The following POLN variants were observed in gnomAD, a reference collection of about 807,000 sequenced individuals.
The protein encoded by POLN is DNA polymerase N.
POLN carries 108 observed loss-of-function variants against 113.5 expected under a neutral mutation model. The ratio of observed to expected loss-of-function variants is 0.95; its 90% CI spans 0.81 to 1.12. POLN has a LOEUF of 1.12. Ranked by LOEUF, POLN falls within the 50% of genes most tolerant of loss-of-function variation. POLN has a pLI of 0.00. For missense variants in POLN, 1,097 were observed against 1,077.1 expected, an observed-to-expected ratio of 1.02 and a Z score of -0.26; for synonymous variants, 386 against 391.5, an observed-to-expected ratio of 0.99 and a Z score of 0.17.
chr4:2,177,176 C>G (rs574536285), intron 8 of POLN: 64 of 334,960 alleles, frequency 1.9e-4, no homozygotes, highest in African/African-American at 1.3e-3. Flanking sequence ...CTTCCACACC[C>G]CAAAACTGAC....
At chr4:2,083,724 C>G (rs1167729789) in intron 21 of POLN, among the ~76,000 whole-genome samples, 1 of 152,262 alleles carries the variant, frequency 6.6e-6, no homozygotes, top group Non-Finnish European at 1.5e-5. Flanking sequence ...ACAGAGAAAG[C>G]AGGGGACCAC....
In POLN at chr4:2,204,722, C is replaced by T. The variant is rs1733802770; in HGVS notation, c.714+3265G>A. Among the ~76,000 whole-genome samples the T allele has an allele frequency of 3.3e-5, 5 of 152,286 alleles. No individual in the cohort carries two copies. The South Asian group carries it at 1.0e-3, about 32-fold the overall frequency. On this transcript the variant is annotated intron_variant, in intron 5 of 25. Coordinates refer to ENST00000511885, the MANE Select transcript of POLN (RefSeq NM_181808.4). ...TACTAGCTAACCAAATCCAACAACA[C>T]ATCAAAAAGATAATCCACCATGATC...
At chr4:2,173,913 G>T in intron 11 of POLN, 42 bp downstream of exon 11, 1 of 1,566,346 alleles carries the variant, frequency 6.4e-7, no homozygotes, top group African/African-American at 1.4e-5. Context: ...TCTCATGCAG[G>T]AAAGAGATGG....
At chr4:2,187,802 AT>A (rs1210643749) in intron 7 of POLN, among the ~76,000 whole-genome samples, 4 of 152,130 alleles carry the variant, frequency 2.6e-5, no homozygotes, top group African/African-American at 9.7e-5. Context: ...GGGATAACCT[AT>A]TCAAAGTGCT....
At chr4:2,224,675 G>T (rs1734340658) in intron 3 of POLN, among the ~76,000 whole-genome samples, 2 of 152,168 alleles carry the variant, frequency 1.3e-5, no homozygotes, top group African/African-American at 4.8e-5. Flanking sequence ...ATGCAGCTGG[G>T]TGCGGTGGCT....
intron 20 of POLN, among the ~76,000 whole-genome samples, chr4:2,095,281 C>T (rs143338781): frequency 0.011 from 1,730 of 152,152 alleles, 14 homozygotes; most frequent in Non-Finnish European, 0.018. Flanking sequence ...CCCAGGCAGC[C>T]CAAACCTCTG....
intron 10 of POLN, among the ~76,000 whole-genome samples, 190 bp from the exon 11 acceptor site, chr4:2,174,209 C>G (rs1253210451): frequency 6.6e-6 from 1 of 152,234 alleles, no homozygotes; most frequent in African/African-American, 2.4e-5. Context: ...GGCGCATTGA[C>G]AGAGCTGGCC....
chr4:2,161,275 G>A (rs1230166642), intron 13 of POLN, among the ~76,000 whole-genome samples: 1 of 152,228 alleles, frequency 6.6e-6, no homozygotes, highest in African/African-American at 2.4e-5. Context: ...TGGCGGGAGA[G>A]GCACGAGCGG....
At chr4:2,209,793 C>T (rs944455788) in intron 4 of POLN, among the ~76,000 whole-genome samples, 2 of 150,014 alleles carry the variant, frequency 1.3e-5, no homozygotes, top group African/African-American at 4.9e-5. Context: ...TCCCATGTAG[C>T]TGTGACTACA....
At chr4:2,224,024 T>G (rs1734324841) in intron 3 of POLN, among the ~76,000 whole-genome samples, 1 of 152,258 alleles carries the variant, frequency 6.6e-6, no homozygotes, top group African/African-American at 2.4e-5. Context: ...TATACACTTT[T>G]AAATTTTTTA....
chr4:2,232,993 T>C (rs1448381437), intron 2 of POLN, among the ~76,000 whole-genome samples: 2 of 152,160 alleles, frequency 1.3e-5, no homozygotes. Context: ...CCCACTAGAC[T>C]AAATTACTTA....
At chr4:2,078,223 C>G (rs1379694729) in intron 23 of POLN, among the ~76,000 whole-genome samples, 1 of 152,240 alleles carries the variant, frequency 6.6e-6, no homozygotes, top group South Asian at 2.1e-4. Context: ...CCCAGGAAGG[C>G]CTTTTCATAA....
At chr4:2,238,896 T>C (rs1399664774) in intron 2 of POLN, 2 of 1,613,224 alleles carry the variant, frequency 1.2e-6, no homozygotes, top group Non-Finnish European at 1.7e-6. Flanking sequence ...AAATCTCCCT[T>C]TACCACTGGC....
rs1054832165 is a variant in POLN, at chr4:2,242,061, T to C, written c.-294A>G. ...GCCCGCGTCAGTCACCTCAGGAAGT[T>C]CCGCTTGCTTCTCGCAGGAGCCCGC... is the stretch of plus-strand genomic sequence containing the variant. On this transcript the variant is annotated 5_prime_UTR_variant, in exon 1 of 26. Transcript: ENST00000511885. 6 of 985,594 alleles carry C rather than the reference T, an allele frequency of 6.1e-6. No individual in the cohort carries two copies. The African/African-American group carries it at 8.7e-5, about 14-fold the overall frequency. 61.1% of individuals were successfully genotyped at this position (985,594 alleles called of 1,614,324 possible). A position where few individuals can be genotyped will look rare whatever the true frequency, so the allele number is the denominator to read the frequency against.
At chr4:2,125,118 A>G (rs915057760) in intron 19 of POLN, among the ~76,000 whole-genome samples, 2 of 152,214 alleles carry the variant, frequency 1.3e-5, no homozygotes, top group African/African-American at 4.8e-5. Context: ...TAACAATGCT[A>G]GAGTAAAAAT....
intron 3 of POLN, among the ~76,000 whole-genome samples, chr4:2,223,048 C>A (rs1418580250): frequency 6.6e-6 from 1 of 152,084 alleles, no homozygotes; most frequent in East Asian, 1.9e-4. Context: ...TGGGGAGTGG[C>A]CTTGGAGATC....
At chr4:2,213,988 C>A (rs1734054322) in intron 3 of POLN, among the ~76,000 whole-genome samples, 1 of 152,188 alleles carries the variant, frequency 6.6e-6, no homozygotes, top group African/African-American at 2.4e-5. Flanking sequence ...GTGATCCCAG[C>A]ACTTTGGGAG....
At chr4:2,189,073 T>C (rs1733367612) in intron 7 of POLN, among the ~76,000 whole-genome samples, 2 of 152,142 alleles carry the variant, frequency 1.3e-5, no homozygotes, top group African/African-American at 4.8e-5. Context: ...CAAAAACCTA[T>C]AATAAATACA....
intron 6 of POLN, among the ~76,000 whole-genome samples, 176 bp downstream of exon 6, chr4:2,198,348 G>C (rs1733629987): frequency 6.6e-6 from 1 of 152,098 alleles, no homozygotes; most frequent in Non-Finnish European, 1.5e-5. Flanking sequence ...ATACTCTCTG[G>C]GAGAGAGAGG....
Sources: allele counts gnomAD v4.1 joint callset (sites outside exome capture counted in the v4.1 genomes callset), GRCh38; gene constraint gnomAD v4.1.1; transcripts MANE v1.5; gene names NCBI Gene and HGNC (gene_info 2026-07-23, HGNC 2026-07-21).